The following NOL4 variants were observed in gnomAD, a reference collection of about 807,000 sequenced individuals.
NOL4 encodes the protein nucleolar protein 4.
In NOL4, 17 loss-of-function variants were observed where a neutral mutation model predicts 75.9. That is an observed-to-expected ratio of 0.22 (90% CI 0.15 to 0.34). The LOEUF (loss-of-function observed/expected upper bound fraction) is 0.34, where lower values mean the gene tolerates loss of function less well. Ranked by LOEUF, NOL4 falls within the 10% of genes least tolerant of loss-of-function variation. The pLI is 1.00. For missense variants in NOL4, 614 were observed against 793.5 expected (o/e 0.77, Z 2.72); for synonymous variants, 292 against 289.9 (o/e 1.01, Z -0.07).
At chr18:34,123,542 T>TATATATGTGATAACC (rs1555731501) in intron 2 of NOL4, among the ~76,000 whole-genome samples, 2 of 143,390 alleles carry the variant, frequency 1.4e-5, no homozygotes, top group Admixed American at 6.9e-5. Flanking sequence ...CATATATATA[T>TATATATGTGATAACC]ATATATATAT....
chr18:34,089,491 T>G (rs2078404882), intron 5 of NOL4, among the ~76,000 whole-genome samples: 1 of 152,146 alleles, frequency 6.6e-6, no homozygotes, highest in Admixed American at 6.6e-5. Flanking sequence ...ACCGGTCACA[T>G]GTAGCTATTT....
intron 6 of NOL4, among the ~76,000 whole-genome samples, chr18:33,981,889 C>A (rs2071990419): frequency 6.6e-6 from 1 of 151,898 alleles, no homozygotes; most frequent in South Asian, 2.1e-4. Flanking sequence ...TGTGTGATAA[C>A]AAGAACATAA....
rs532755217 is a variant in NOL4 at position 34,019,403 on chromosome 18, T to G, written c.971A>C (p.His324Pro). 1.2e-6 allele frequency: 2 copies of G among 1,614,014 alleles called. No homozygotes were observed. Among genetic ancestry groups the G allele is most frequent in the East Asian group, 2.2e-5 (1 of 44,840 alleles). ...ATACTTGTTTTTCCCATTACTGTTG[T>G]GATCATCTATTCTGTATTCCGAAGT... Reference protein sequence around the residue: ...QLTSEYRIDDHNSNGKNKYKN... With the variant: ...QLTSEYRIDDPNSNGKNKYKN... Residue 324 changes from histidine to proline, a missense_variant, in exon 6 of 11, where the codon CAC (histidine) becomes CCC (proline). By Grantham distance (77) the His-to-Pro change is moderately conservative. Coordinates refer to ENST00000261592, the MANE Select transcript of NOL4 (RefSeq NM_003787.5).
chr18:33,963,422 C>T (rs1388608796), intron 6 of NOL4, among the ~76,000 whole-genome samples: 1 of 152,110 alleles, frequency 6.6e-6, no homozygotes, highest in African/African-American at 2.4e-5. Context: ...CCAAATAACC[C>T]ATATAATATA....
At chr18:34,200,850 A>G (rs1332211928) in intron 1 of NOL4, among the ~76,000 whole-genome samples, 1 of 151,844 alleles carries the variant, frequency 6.6e-6, no homozygotes, top group Non-Finnish European at 1.5e-5. Flanking sequence ...GAAGAGTTCC[A>G]TAAGAAAGAC....
intron 9 of NOL4, among the ~76,000 whole-genome samples, chr18:33,888,923 A>G (rs2064929949): frequency 6.6e-6 from 1 of 151,960 alleles, no homozygotes. Flanking sequence ...AGTAGGAAAG[A>G]TCTAAAATCG....
intron 4 of NOL4, among the ~76,000 whole-genome samples, chr18:34,101,403 A>G (rs1011319243): frequency 6.6e-6 from 1 of 152,124 alleles, no homozygotes; most frequent in Non-Finnish European, 1.5e-5. Context: ...GTAGGTTGGA[A>G]ACTTAGCAGA....
In NOL4 at chr18:33,879,573, C is replaced by T. The variant is rs182666762; in HGVS notation, c.1723+3671G>A. ...GCATGCACCTGTAGTACCAACTACT[C>T]TGGAGGCTGAGATGGGAGGATCACT... On this transcript the variant is annotated intron_variant, in intron 10 of 10. Transcript: ENST00000261592. Among the ~76,000 whole-genome samples the T allele has an allele frequency of 1.2e-4, 18 of 152,026 alleles. No individual in the cohort carries two copies. The East Asian group carries it at 2.5e-3, about 21-fold the overall frequency.
chr18:33,946,054 A>C (rs1442988631), intron 8 of NOL4, among the ~76,000 whole-genome samples: 1 of 151,784 alleles, frequency 6.6e-6, no homozygotes, highest in African/African-American at 2.4e-5. Flanking sequence ...CTGTATATAC[A>C]AACCATTGTT....
chr18:34,014,501 G>T (rs2074568196), intron 6 of NOL4, among the ~76,000 whole-genome samples: 1 of 151,906 alleles, frequency 6.6e-6, no homozygotes, highest in Non-Finnish European at 1.5e-5. Flanking sequence ...ATAATACAGT[G>T]TTTTTAAGTA....
chr18:34,204,134 T>C (rs921562025), intron 1 of NOL4, among the ~76,000 whole-genome samples: 1 of 152,042 alleles, frequency 6.6e-6, no homozygotes, highest in Non-Finnish European at 1.5e-5. Context: ...GCATATAAAA[T>C]ACACATATAT....
At chr18:33,935,159 C>A (rs1401138360) in intron 9 of NOL4, among the ~76,000 whole-genome samples, 1 of 152,070 alleles carries the variant, frequency 6.6e-6, no homozygotes, top group Non-Finnish European at 1.5e-5. Flanking sequence ...GCCATCACAG[C>A]CAGCTGAGTA....
intron 9 of NOL4, among the ~76,000 whole-genome samples, chr18:33,915,104 T>C (rs1046511356): frequency 3.9e-5 from 6 of 152,078 alleles, no homozygotes; most frequent in African/African-American, 1.4e-4. Context: ...TAAAAGTAAA[T>C]TGCAGCACAA....
chr18:33,943,140 T>C lies in NOL4; in HGVS notation c.1467A>G (p.Ala489=), dbSNP rs1031212261. 1 of 1,610,794 alleles carries C rather than the reference T, an allele frequency of 6.2e-7. No individual in the cohort carries two copies. The highest frequency in any genetic ancestry group is 1.1e-5 in the South Asian group (1 of 91,000). Residue 489 remains alanine, a synonymous_variant, in exon 9 of 11, where the codon GCA becomes GCG. Transcript: ENST00000261592. ...PIPSHLTSAV[A]ESILASACES... ...CACAAGCTGAAGCCAAGATACTCTCTGCAACTGCTGAAGTAAGGTGGGAAG... is the reference window on the plus strand; with the variant it reads ...CACAAGCTGAAGCCAAGATACTCTCCGCAACTGCTGAAGTAAGGTGGGAAG...
intron 9 of NOL4, among the ~76,000 whole-genome samples, chr18:33,905,893 C>T (rs575399747): frequency 3.3e-5 from 5 of 152,224 alleles, no homozygotes; most frequent in African/African-American, 1.2e-4. Flanking sequence ...ACCAGTAGTA[C>T]CCAGATGGGA....
At chr18:33,939,906 C>T (rs761118164) in intron 9 of NOL4, among the ~76,000 whole-genome samples, 2 of 151,862 alleles carry the variant, frequency 1.3e-5, no homozygotes, top group Non-Finnish European at 2.9e-5. Flanking sequence ...TGAACAGACA[C>T]TTCTCAGAAG....
At chr18:34,019,963 A>C (rs1046200883) in intron 5 of NOL4, among the ~76,000 whole-genome samples, 21 of 151,612 alleles carry the variant, frequency 1.4e-4, no homozygotes, top group African/African-American at 5.1e-4. Context: ...TAGTTGTTTA[A>C]AAAGAGCCTG....
At chr18:33,996,559 C>G (rs2073298719) in intron 6 of NOL4, among the ~76,000 whole-genome samples, 1 of 151,794 alleles carries the variant, frequency 6.6e-6, no homozygotes. Flanking sequence ...GGTAGCACTT[C>G]AACACTTTCC....
At chr18:33,890,403 T>A (rs1212254789) in intron 9 of NOL4, among the ~76,000 whole-genome samples, 1 of 152,134 alleles carries the variant, frequency 6.6e-6, no homozygotes, top group African/African-American at 2.4e-5. Flanking sequence ...TAACATTCCA[T>A]GCTCATGGAT....
Sources: allele counts gnomAD v4.1 joint callset (sites outside exome capture counted in the v4.1 genomes callset), GRCh38; gene constraint gnomAD v4.1.1; transcripts MANE v1.5; gene names NCBI Gene and HGNC (gene_info 2026-07-23, HGNC 2026-07-21).